ZC3H13: variants seen among roughly 807,000 people sequenced by gnomAD.
The protein encoded by ZC3H13 is zinc finger CCCH-type containing 13.
In ZC3H13, 64 loss-of-function variants were observed where a neutral mutation model predicts 204.1. The observed-to-expected ratio is 0.31, with a 90% CI of 0.26 to 0.39. ZC3H13 has a LOEUF of 0.39. Among genes scored for constraint, ZC3H13 ranks in the 10% least tolerant of loss-of-function variants. ZC3H13 has a pLI of 1.00. For missense variants in ZC3H13, 1,833 were observed against 2,082.7 expected (o/e 0.88, Z 2.33); for synonymous variants, 667 against 693.7 (o/e 0.96, Z 0.60).
chr13:45,971,617 C>T (rs1401223567), intron 12 of ZC3H13, among the ~76,000 whole-genome samples: 1 of 152,098 alleles, frequency 6.6e-6, no homozygotes, highest in African/African-American at 2.4e-5. Flanking sequence ...GACTTCATGG[C>T]CAAGATTCTA....
intron 10 of ZC3H13, among the ~76,000 whole-genome samples, chr13:45,981,332 G>A (rs996049363): frequency 2.0e-5 from 3 of 152,176 alleles, no homozygotes; most frequent in African/African-American, 7.2e-5. Context: ...TTTTATGGCT[G>A]CATAGTATTC....
chr13:46,018,457 A>T (rs2042042869), intron 5 of ZC3H13, among the ~76,000 whole-genome samples: 1 of 152,146 alleles, frequency 6.6e-6, no homozygotes, highest in South Asian at 2.1e-4. Flanking sequence ...GTGTATCACA[A>T]ATGAACAAGA....
rs10678022 is a variant in ZC3H13 at position 45,983,414 on chromosome 13, T to TATATATATATATATATATATA, written c.1720+1882_1720+1883insTATATATATATATATATATAT. Among the ~76,000 whole-genome samples the TATATATATATATATATATATA allele has an allele frequency of 2.9e-3, 60 of 20,526 alleles. 2 individuals are homozygous for TATATATATATATATATATATA. Among genetic ancestry groups the TATATATATATATATATATATA allele is most frequent in the South Asian group, 6.8e-3 (3 of 438 alleles). 13.5% of individuals were successfully genotyped at this position (20,526 alleles called of 152,430 possible). On this transcript the variant is annotated intron_variant, in intron 10 of 18. Transcript: ENST00000679008. ...AGCCCCTTCTACTTATATATATATA[T>TATATATATATATATATATATA]TTTTTTTTTTTTTTTTTTTTTTTTT...
chr13:46,016,968 G>A (rs2041948323), intron 5 of ZC3H13, among the ~76,000 whole-genome samples: 2 of 152,054 alleles, frequency 1.3e-5, no homozygotes, highest in African/African-American at 4.8e-5. Context: ...CTGGGTGGAG[G>A]GAAAGAAGTG....
intron 12 of ZC3H13, among the ~76,000 whole-genome samples, chr13:45,972,918 TG>T (rs1952706868): frequency 6.6e-6 from 1 of 152,152 alleles, no homozygotes; most frequent in Admixed American, 6.5e-5. Flanking sequence ...GGGGGTCAAG[TG>T]GAGGAGAAAC....
intron 5 of ZC3H13, among the ~76,000 whole-genome samples, chr13:46,015,613 T>C (rs750840783): frequency 7.2e-5 from 11 of 152,146 alleles, no homozygotes; most frequent in African/African-American, 2.7e-4. Flanking sequence ...TGTTACTTCA[T>C]TGGTCCTTAA....
At chr13:46,021,872 G>A (rs1043073687) in intron 4 of ZC3H13, among the ~76,000 whole-genome samples, 18 of 152,002 alleles carry the variant, frequency 1.2e-4, no homozygotes, top group Admixed American at 3.3e-4. Context: ...TGAATGTTCT[G>A]TGGATTAAAC....
rs571568435 is a variant in ZC3H13 at position 45,969,908 on chromosome 13, G to A, written c.2636C>T (p.Ser879Leu). Residue 879 changes from serine (S) to leucine (L), a missense_variant, in exon 14 of 19, where the codon TCG (serine) becomes TTG (leucine). By Grantham distance (145) the Ser-to-Leu change is moderately radical. Coordinates refer to ENST00000679008, the MANE Select transcript of ZC3H13 (RefSeq NM_001330564.2). ...RPQESRSLSP[S>L]HLTEDRQGRW... is the part of the protein sequence containing the mutation. ...ACCCTGTCTGTCTTCTGTGAGGTGC[G>A]AGGGACTAAGAGAACGAGATTCTTG... The A allele has an allele frequency of 9.5e-5, 153 of 1,613,420 alleles. No homozygotes were observed. The South Asian group carries it at 1.3e-3, about 14-fold the overall frequency.
chr13:45,960,993 G>A (rs1026312052), intron 17 of ZC3H13, among the ~76,000 whole-genome samples: 3 of 152,120 alleles, frequency 2.0e-5, no homozygotes, highest in Non-Finnish European at 2.9e-5. Context: ...AGAAAAGCCC[G>A]AAACTAGTTC....
intron 1 of ZC3H13, among the ~76,000 whole-genome samples, chr13:46,046,415 T>C (rs956728404): frequency 3.2e-4 from 48 of 150,790 alleles, no homozygotes; most frequent in African/African-American, 1.2e-3. Context: ...TCCCAGCACT[T>C]TGGGAGGCCG....
In ZC3H13 at chr13:45,957,135, C is replaced by G. The variant is rs764757266; in HGVS notation, c.5002G>C (p.Val1668Leu). 81 of 1,524,610 alleles carry G rather than the reference C, an allele frequency of 5.3e-5. No homozygotes were observed. Among genetic ancestry groups the G allele is most frequent in the Non-Finnish European group, 8.8e-6 (10 of 1,132,012 alleles). The allele number at this position is 1,524,610 out of a possible 1,614,324, so 94.4% of individuals were successfully genotyped here. The change falls in exon 19 of 19, where the codon GTG becomes CTG. Residue 1668 changes from valine (V) to leucine (L), a missense_variant. Coordinates refer to ENST00000679008, the MANE Select transcript of ZC3H13 (RefSeq NM_001330564.2). ...SQSSIQQELC[V>L]S ...CATATTGAACTTCGGTCTTAAGACA[C>G]ACACAGTTCCTGTTGGATACTGGAC...
intron 15 of ZC3H13, among the ~76,000 whole-genome samples, chr13:45,966,697 A>G (rs796353846): frequency 1.3e-5 from 2 of 152,224 alleles, no homozygotes; most frequent in South Asian, 4.1e-4. Context: ...ATTTGATGCT[A>G]TTTATACTCA....
At chr13:45,980,262 T>TA (rs747381831) in intron 10 of ZC3H13, among the ~76,000 whole-genome samples, 2 of 152,038 alleles carry the variant, frequency 1.3e-5, no homozygotes, top group Non-Finnish European at 2.9e-5. Context: ...TAAGATTCAT[T>TA]AAAATTAACC....
At chr13:46,028,349 A>G (rs979018773) in intron 4 of ZC3H13, among the ~76,000 whole-genome samples, 2 of 152,224 alleles carry the variant, frequency 1.3e-5, no homozygotes, top group Non-Finnish European at 2.9e-5. Flanking sequence ...ATAAAATTGC[A>G]AAGAGAAATT....
chr13:46,048,745 A>C (rs1168193407), intron 1 of ZC3H13, among the ~76,000 whole-genome samples: 4 of 152,052 alleles, frequency 2.6e-5, no homozygotes, highest in African/African-American at 7.2e-5. Flanking sequence ...ATCAAGAACT[A>C]TTCAAGATTC....
In ZC3H13 at chr13:45,957,101, C is replaced by CA. The variant is rs1468267802; in HGVS notation, c.*25dup. Reference sequence around the variant, plus strand: ...ATGCACTGCTGAAGGAAGACAGTACCAAAAATACCATATTGAACTTCGGTC... The same window carrying CA: ...ATGCACTGCTGAAGGAAGACAGTACCAAAAAATACCATATTGAACTTCGGTC... On this transcript the variant is annotated 3_prime_UTR_variant, in exon 19 of 19. Transcript: ENST00000679008. 1.4e-6 allele frequency: 2 copies of CA among 1,429,738 alleles called. No homozygotes were observed. The highest frequency in any genetic ancestry group is 1.6e-5 in the South Asian group (1 of 61,878). 88.6% of individuals were successfully genotyped at this position (1,429,738 alleles called of 1,614,324 possible).
chr13:46,026,192 T>C (rs1474278530), intron 4 of ZC3H13, among the ~76,000 whole-genome samples: 1 of 152,046 alleles, frequency 6.6e-6, no homozygotes, highest in Admixed American at 6.6e-5. Flanking sequence ...TAAATTAAAT[T>C]AGCTCATCTC....
chr13:46,052,716 G>A lies in ZC3H13; in HGVS notation c.-322C>T. The A allele has an allele frequency of 7.5e-6, 3 of 398,050 alleles. No homozygotes were observed. Among genetic ancestry groups the A allele is most frequent in the Non-Finnish European group, 1.3e-5 (3 of 225,776 alleles). 24.7% of individuals were successfully genotyped at this position (398,050 alleles called of 1,614,324 possible). ...ACACTACCAGGCCGCTAGGAGGACC[G>A]CCTCAAAATGCCGCCGGAAGTCAGA... On this transcript the variant is annotated 5_prime_UTR_variant, in exon 1 of 19. Transcript: ENST00000679008.
At chr13:46,003,804 A>C (rs977806142) in intron 7 of ZC3H13, among the ~76,000 whole-genome samples, 1 of 152,354 alleles carries the variant, frequency 6.6e-6, no homozygotes, top group South Asian at 2.1e-4. Context: ...ATGCAAAAGA[A>C]TGAAGCTGGA....
Sources: gnomAD v4.1 joint callset for allele counts (sites outside exome capture counted in the v4.1 genomes callset) on GRCh38, gnomAD v4.1.1 for gene constraint, MANE v1.5 for transcripts, NCBI Gene and HGNC (gene_info 2026-07-23, HGNC 2026-07-21) for gene names.